The following SLC14A2 variants were observed in gnomAD, a reference collection of about 807,000 sequenced individuals.
The protein encoded by SLC14A2 is urea transporter 2.
Under a neutral mutation model 104.6 loss-of-function variants are expected in SLC14A2, and 91 were observed. The observed-to-expected ratio is 0.87, with a 90% CI of 0.73 to 1.04. The LOEUF (loss-of-function observed/expected upper bound fraction) is 1.04. SLC14A2 is among the 50% of genes least tolerant of loss of function. The pLI is 0.00. For missense variants in SLC14A2, 1,189 were observed against 1,156.0 expected, an observed-to-expected ratio of 1.03 and a Z score of -0.41; for synonymous variants, 476 against 466.4, an observed-to-expected ratio of 1.02 and a Z score of -0.27.
At chr18:45,603,097 G>A (rs1186066614) in intron 2 of SLC14A2, among the ~76,000 whole-genome samples, 1 of 151,940 alleles carries the variant, frequency 6.6e-6, no homozygotes, top group African/African-American at 2.4e-5. Context: ...GTGGTATTGA[G>A]CAGATGTGTC....
At chr18:45,257,228 T>TC (rs2084488599) in intron 1 of SLC14A2, among the ~76,000 whole-genome samples, 1 of 152,216 alleles carries the variant, frequency 6.6e-6, no homozygotes, top group Non-Finnish European at 1.5e-5. Flanking sequence ...TGCATTTGGA[T>TC]CCATTGACTC....
intron 1 of SLC14A2, among the ~76,000 whole-genome samples, chr18:45,297,654 A>G (rs1469015348): frequency 7.2e-6 from 1 of 139,356 alleles, no homozygotes; most frequent in Non-Finnish European, 1.5e-5. Context: ...GATTGCTGGG[A>G]TGGCTCACTG....
intron 1 of SLC14A2, among the ~76,000 whole-genome samples, chr18:45,217,218 ATG>A (rs1004185140): frequency 6.7e-6 from 1 of 148,740 alleles, no homozygotes; most frequent in African/African-American, 2.4e-5. Context: ...ATATTTATAT[ATG>A]TTTTTATATA....
At chr18:45,223,001 G>T (rs2143997991) in intron 1 of SLC14A2, among the ~76,000 whole-genome samples, 1 of 152,230 alleles carries the variant, frequency 6.6e-6, no homozygotes, top group African/African-American at 2.4e-5. Flanking sequence ...AGGGTGTGAG[G>T]GCTGCCATCT....
At chr18:45,403,331 C>T (rs2086116550) in intron 1 of SLC14A2, among the ~76,000 whole-genome samples, 1 of 152,140 alleles carries the variant, frequency 6.6e-6, no homozygotes. Flanking sequence ...GGGATTAGGG[C>T]TTCAATACAG....
chr18:45,215,484 G>A (rs906291538), intron 1 of SLC14A2, among the ~76,000 whole-genome samples: 4 of 152,230 alleles, frequency 2.6e-5, no homozygotes, highest in Admixed American at 6.5e-5. Flanking sequence ...TAAGAAAATA[G>A]GAAAGGGAAA....
intron 2 of SLC14A2, among the ~76,000 whole-genome samples, chr18:45,581,620 C>T (rs533047470): frequency 4.6e-5 from 7 of 152,242 alleles, no homozygotes; most frequent in East Asian, 1.9e-4. Flanking sequence ...GTATCTCCTC[C>T]GAGCCTCAGT....
At chr18:45,496,783 C>CA (rs138963930) in intron 2 of SLC14A2, among the ~76,000 whole-genome samples, 11,303 of 150,614 alleles carry the variant, frequency 0.075, 548 homozygotes, top group East Asian at 0.21. Context: ...GACTCCGTCT[C>CA]AAAAAAAAAT....
intron 1 of SLC14A2, among the ~76,000 whole-genome samples, chr18:45,216,980 C>T (rs2084016744): frequency 6.6e-6 from 1 of 152,122 alleles, no homozygotes; most frequent in Non-Finnish European, 1.5e-5. Context: ...AATAGTCTAA[C>T]ATTGAGTTGC....
At chr18:45,673,963 G>A (rs998042227) in intron 18 of SLC14A2, 146 bp downstream of exon 18, 153 of 887,726 alleles carry the variant, frequency 1.7e-4, no homozygotes, top group Non-Finnish European at 2.4e-4. Context: ...ACATGAAGAC[G>A]GTGGTGGAGG....
chr18:45,292,656 T>C (rs941677535), intron 1 of SLC14A2, among the ~76,000 whole-genome samples: 3 of 152,212 alleles, frequency 2.0e-5, no homozygotes, highest in Admixed American at 6.5e-5. Context: ...ATAAGTCTTA[T>C]GGGAAATTGA....
At chr18:45,214,901 C>T (rs1168815610) in intron 1 of SLC14A2, among the ~76,000 whole-genome samples, 1 of 123,564 alleles carries the variant, frequency 8.1e-6, no homozygotes, top group Non-Finnish European at 1.6e-5. Context: ...TAGTATCTAT[C>T]GGACCATGTC....
upstream of SLC14A2, among the ~76,000 whole-genome samples, chr18:45,208,833 C>T (rs1406031398): frequency 1.3e-5 from 2 of 151,608 alleles, no homozygotes; most frequent in African/African-American, 4.9e-5. Flanking sequence ...TTTGGGAGAC[C>T]TGTTGCAAAG....
At chr18:45,565,649 C>A (rs1409145430) in intron 2 of SLC14A2, among the ~76,000 whole-genome samples, 1 of 152,154 alleles carries the variant, frequency 6.6e-6, no homozygotes, top group African/African-American at 2.4e-5. Context: ...TCAAGCTGTC[C>A]CCAGGCATCC....
chr18:45,420,126 G>C (rs867022626), intron 1 of SLC14A2, among the ~76,000 whole-genome samples: 1 of 152,204 alleles, frequency 6.6e-6, no homozygotes, highest in African/African-American at 2.4e-5. Flanking sequence ...ACCAGGACTA[G>C]AGGATGCACT....
intron 1 of SLC14A2, among the ~76,000 whole-genome samples, chr18:45,366,848 C>A (rs966173195): frequency 2.0e-5 from 3 of 152,158 alleles, no homozygotes; most frequent in African/African-American, 7.2e-5. Flanking sequence ...CAGTCTACCC[C>A]CTTCAGAATG....
chr18:45,405,448 A>G (rs2086143440), intron 1 of SLC14A2, among the ~76,000 whole-genome samples: 1 of 152,206 alleles, frequency 6.6e-6, no homozygotes, highest in South Asian at 2.1e-4. Context: ...TGACCACAAT[A>G]AAGTGAGTAT....
chr18:45,556,267 AAC>A lies in SLC14A2; in HGVS notation c.-34-68360_-34-68359del, dbSNP rs528656845. On this transcript the variant is annotated intron_variant, in intron 2 of 20. Transcript: ENST00000586448. ...GATTTCAACATATAAATTTTGGGGAAACACAACATGCAGACCACAGAAACCAC... is the reference window on the plus strand; with the variant it reads ...GATTTCAACATATAAATTTTGGGGAAACAACATGCAGACCACAGAAACCAC... Among the ~76,000 whole-genome samples the A allele has an allele frequency of 4.8e-4, 73 of 152,306 alleles. 1 individual carries two copies. The highest frequency in any genetic ancestry group is 1.7e-3 in the African/African-American group (69 of 41,562).
intron 1 of SLC14A2, among the ~76,000 whole-genome samples, chr18:45,241,027 C>A (rs1018644425): frequency 6.6e-6 from 1 of 152,124 alleles, no homozygotes; most frequent in African/African-American, 2.4e-5. Context: ...TTGCTCCTAC[C>A]CTCTGAGAAC....
Sources: gnomAD v4.1 joint callset for allele counts (sites outside exome capture counted in the v4.1 genomes callset) on GRCh38, gnomAD v4.1.1 for gene constraint, MANE v1.5 for transcripts, NCBI Gene and HGNC (gene_info 2026-07-23, HGNC 2026-07-21) for gene names.